Variants in BANK1 observed in about 807,000 individuals in gnomAD.
The protein encoded by BANK1 is B cell scaffold protein with ankyrin repeats 1.
A neutral mutation model predicts 94.5 loss-of-function variants in BANK1; 95 were observed. The observed-to-expected ratio is 1.00, with a 90% CI of 0.85 to 1.19. BANK1 has a LOEUF of 1.19. Ranked by LOEUF, BANK1 falls within the 50% of genes most tolerant of loss-of-function variation. BANK1 has a pLI of 0.00. For synonymous variants in BANK1, 334 were observed against 308.4 expected (o/e 1.08, Z -0.87); for missense variants, 987 against 932.2 (o/e 1.06, Z -0.77).
At chr4:101,864,455 A>C (rs1727994643) in intron 4 of BANK1, among the ~76,000 whole-genome samples, 1 of 152,180 alleles carries the variant, frequency 6.6e-6, no homozygotes, top group Admixed American at 6.5e-5. Context: ...ATTTAGATGA[A>C]TGGTTTTAGC....
intron 11 of BANK1, among the ~76,000 whole-genome samples, chr4:102,044,264 G>A (rs995360521): frequency 6.6e-6 from 1 of 152,046 alleles, no homozygotes; most frequent in Non-Finnish European, 1.5e-5. Context: ...TCCCACCTAT[G>A]AGTGAGAACA....
intron 5 of BANK1, among the ~76,000 whole-genome samples, chr4:101,892,016 G>T (rs994276113): frequency 9.2e-5 from 14 of 151,538 alleles, no homozygotes; most frequent in Non-Finnish European, 1.6e-4. Flanking sequence ...CATTTTTATT[G>T]GTTGTTTCTT....
At chr4:101,796,771 T>G (rs1725170637) in intron 1 of BANK1, among the ~76,000 whole-genome samples, 1 of 152,200 alleles carries the variant, frequency 6.6e-6, no homozygotes, top group Non-Finnish European at 1.5e-5. Flanking sequence ...CTGAAAATTT[T>G]ATAGCATACT....
intron 7 of BANK1, among the ~76,000 whole-genome samples, chr4:101,927,414 C>T (rs1189140391): frequency 6.6e-6 from 1 of 151,528 alleles, no homozygotes; most frequent in Non-Finnish European, 1.5e-5. Context: ...GACAAAGAGC[C>T]AAACCATATC....
At chr4:101,863,266 G>A (rs1027672385) in intron 4 of BANK1, among the ~76,000 whole-genome samples, 7 of 151,814 alleles carry the variant, frequency 4.6e-5, no homozygotes, top group Non-Finnish European at 7.4e-5. Context: ...AACAATAATT[G>A]TATTAAAATC....
intron 7 of BANK1, among the ~76,000 whole-genome samples, chr4:101,978,507 A>G (rs1725213868): frequency 6.6e-6 from 1 of 152,012 alleles, no homozygotes; most frequent in East Asian, 1.9e-4. Context: ...CCCTATTCCA[A>G]TTTTTCTCCC....
intron 1 of BANK1, among the ~76,000 whole-genome samples, chr4:101,792,447 G>A: frequency 9.9e-6 from 1 of 100,662 alleles, no homozygotes; most frequent in African/African-American, 3.1e-5. Flanking sequence ...TGGTTTGTGT[G>A]TGTGTGTGTG....
intron 4 of BANK1, among the ~76,000 whole-genome samples, chr4:101,869,012 A>G (rs1172313197): frequency 1.3e-5 from 2 of 151,890 alleles, no homozygotes; most frequent in African/African-American, 4.8e-5. Flanking sequence ...TAAGGATTCA[A>G]TATATAAGAA....
At chr4:101,961,442 G>T (rs955745797) in intron 7 of BANK1, among the ~76,000 whole-genome samples, 3 of 152,130 alleles carry the variant, frequency 2.0e-5, no homozygotes, top group African/African-American at 7.2e-5. Context: ...ACTTGGAAAG[G>T]ACTTGACAGA....
chr4:101,800,264 A>G (rs1725314488), intron 1 of BANK1, among the ~76,000 whole-genome samples: 3 of 152,048 alleles, frequency 2.0e-5, no homozygotes, highest in African/African-American at 7.2e-5. Context: ...CATGTACCCT[A>G]GAACTTGAAG....
intron 10 of BANK1, among the ~76,000 whole-genome samples, chr4:102,038,173 A>G (rs572034946): frequency 8.1e-4 from 124 of 152,302 alleles, no homozygotes; most frequent in South Asian, 2.3e-3. Context: ...TTAAGGGAGA[A>G]CAAAATATTA....
At chr4:102,040,196 C>A (rs1468249664) in intron 10 of BANK1, among the ~76,000 whole-genome samples, 2 of 152,068 alleles carry the variant, frequency 1.3e-5, no homozygotes, top group Non-Finnish European at 2.9e-5. Flanking sequence ...ATTTCACCTT[C>A]TCCTCCTCCT....
At chr4:101,939,566 T>G (rs1578410148) in intron 7 of BANK1, among the ~76,000 whole-genome samples, 1 of 151,580 alleles carries the variant, frequency 6.6e-6, no homozygotes, top group African/African-American at 2.4e-5. Flanking sequence ...GAGACAGAGG[T>G]TGAGAGAGAC....
intron 6 of BANK1, among the ~76,000 whole-genome samples, chr4:101,911,841 CAAGG>C (rs965010609): frequency 6.6e-6 from 1 of 152,090 alleles, no homozygotes; most frequent in African/African-American, 2.4e-5. Flanking sequence ...GCTCAAGTAC[CAAGG>C]CACATATGTT....
intron 5 of BANK1, among the ~76,000 whole-genome samples, chr4:101,886,414 AC>A (rs759153295): frequency 6.6e-6 from 1 of 152,180 alleles, no homozygotes; most frequent in Non-Finnish European, 1.5e-5. Flanking sequence ...ATAACTTGGA[AC>A]CTGGCTCCCA....
intron 7 of BANK1, among the ~76,000 whole-genome samples, chr4:101,958,409 C>A (rs1724439772): frequency 8.2e-6 from 1 of 121,486 alleles, no homozygotes. Flanking sequence ...TTTTTACTGT[C>A]ATGCTACAAA....
At chr4:101,832,618 G>C (rs538404627) in intron 2 of BANK1, among the ~76,000 whole-genome samples, 1 of 151,346 alleles carries the variant, frequency 6.6e-6, no homozygotes, top group South Asian at 2.1e-4. Context: ...TTTTCTCATT[G>C]TACCTTTTGG....
intron 7 of BANK1, among the ~76,000 whole-genome samples, chr4:101,987,371 A>G (rs1265906088): frequency 6.6e-6 from 1 of 152,168 alleles, no homozygotes; most frequent in Non-Finnish European, 1.5e-5. Flanking sequence ...AAACTGAGTC[A>G]CAGAGAGTTT....
intron 4 of BANK1, among the ~76,000 whole-genome samples, chr4:101,867,282 C>G (rs1728110190): frequency 6.6e-6 from 1 of 150,908 alleles, no homozygotes; most frequent in Admixed American, 6.6e-5. Flanking sequence ...AAAAAGGAAC[C>G]CACCAATCTA....
Sources: allele counts gnomAD v4.1 joint callset (sites outside exome capture counted in the v4.1 genomes callset), GRCh38; gene constraint gnomAD v4.1.1; transcripts MANE v1.5; gene names NCBI Gene and HGNC (gene_info 2026-07-23, HGNC 2026-07-21).